The following SORCS1 variants were observed in gnomAD, a reference collection of about 807,000 sequenced individuals.
SORCS1 encodes VPS10 domain-containing receptor SorCS1.
In SORCS1, 60 loss-of-function variants were observed where a neutral mutation model predicts 146.1. That is an observed-to-expected ratio of 0.41 (90% CI 0.33 to 0.51). The LOEUF (loss-of-function observed/expected upper bound fraction) is 0.51. Ranked by LOEUF, SORCS1 falls within the 20% of genes least tolerant of loss-of-function variation. The probability of loss-of-function intolerance (pLI) is 0.21; values close to 1 mark genes in which losing one functional copy is unlikely to be tolerated. For missense variants in SORCS1, 1,352 were observed against 1,487.6 expected (o/e 0.91, Z 1.50); for synonymous variants, 637 against 584.0 (o/e 1.09, Z -1.31).
intron 16 of SORCS1, among the ~76,000 whole-genome samples, chr10:106,668,223 T>C (rs1284537118): frequency 6.6e-6 from 1 of 152,194 alleles, no homozygotes; most frequent in African/African-American, 2.4e-5. Flanking sequence ...TTACTGGTGA[T>C]GTCTTTGGGA....
intron 2 of SORCS1, among the ~76,000 whole-genome samples, chr10:106,926,718 T>A (rs1365049207): frequency 6.6e-6 from 1 of 152,080 alleles, no homozygotes; most frequent in Non-Finnish European, 1.5e-5. Flanking sequence ...GTAAAATAAT[T>A]ATTAATGGAT....
chr10:107,156,708 T>C (rs1969310459), intron 1 of SORCS1, among the ~76,000 whole-genome samples: 1 of 152,232 alleles, frequency 6.6e-6, no homozygotes, highest in Admixed American at 6.5e-5. Flanking sequence ...CTCCAAAATG[T>C]TGATTGACAC....
chr10:106,939,603 A>C (rs1414231534), intron 2 of SORCS1, among the ~76,000 whole-genome samples: 1 of 152,212 alleles, frequency 6.6e-6, no homozygotes, highest in East Asian at 1.9e-4. Flanking sequence ...ATCCTCTGCA[A>C]TCACAGATTG....
chr10:106,622,438 C>T (rs1250806027), intron 19 of SORCS1, among the ~76,000 whole-genome samples: 2 of 151,802 alleles, frequency 1.3e-5, no homozygotes, highest in African/African-American at 4.8e-5. Flanking sequence ...TCTTCATACA[C>T]AAAGACTAGC....
At chr10:106,649,474 G>C (rs1304623865) in intron 18 of SORCS1, among the ~76,000 whole-genome samples, 1 of 152,174 alleles carries the variant, frequency 6.6e-6, no homozygotes, top group East Asian at 1.9e-4. Flanking sequence ...AAAACTATTT[G>C]TGTTTTCTGC....
intron 6 of SORCS1, among the ~76,000 whole-genome samples, chr10:106,711,702 A>G (rs1386795120): frequency 6.6e-6 from 1 of 152,202 alleles, no homozygotes; most frequent in Admixed American, 6.5e-5. Flanking sequence ...ATTAAATTAG[A>G]GTCCTCTATT....
At chr10:106,896,337 G>A (rs546709759) in intron 2 of SORCS1, among the ~76,000 whole-genome samples, 2 of 150,816 alleles carry the variant, frequency 1.3e-5, no homozygotes, top group African/African-American at 2.4e-5. Context: ...GCTGAGGCAC[G>A]AGAATTGCTT....
intron 1 of SORCS1, among the ~76,000 whole-genome samples, chr10:107,012,923 T>C (rs1957748211): frequency 6.6e-6 from 1 of 152,240 alleles, no homozygotes; most frequent in Non-Finnish European, 1.5e-5. Flanking sequence ...CTAAGATGTC[T>C]GCACCTGTCT....
At chr10:107,148,147 C>T (rs1487392491) in intron 1 of SORCS1, among the ~76,000 whole-genome samples, 1 of 152,086 alleles carries the variant, frequency 6.6e-6, no homozygotes, top group Non-Finnish European at 1.5e-5. Flanking sequence ...TGCCTTTGAG[C>T]CAGGAAAACC....
chr10:106,727,325 C>A (rs1021399865), intron 6 of SORCS1, among the ~76,000 whole-genome samples: 1 of 152,090 alleles, frequency 6.6e-6, no homozygotes, highest in Non-Finnish European at 1.5e-5. Context: ...CATGTAGATG[C>A]CATGGCATGT....
At chr10:106,827,630 C>G (rs1948359116) in intron 3 of SORCS1, among the ~76,000 whole-genome samples, 2 of 152,110 alleles carry the variant, frequency 1.3e-5, no homozygotes, top group East Asian at 3.8e-4. Context: ...CAACAAACAA[C>G]TAAATTTCAT....
chr10:106,670,051 A>G (rs1318355), intron 16 of SORCS1, among the ~76,000 whole-genome samples: 150,356 of 152,362 alleles, frequency 0.99, 74,221 homozygotes, highest in East Asian at 1. Flanking sequence ...TAGTTCTTAT[A>G]CGGGTCAAGT....
At chr10:107,070,028 T>C (rs544415081) in intron 1 of SORCS1, among the ~76,000 whole-genome samples, 31 of 152,364 alleles carry the variant, frequency 2.0e-4, no homozygotes, top group Non-Finnish European at 3.7e-4. Context: ...CTGTCTGTAT[T>C]CTTTGTGGAA....
intron 1 of SORCS1, among the ~76,000 whole-genome samples, chr10:107,153,035 AT>A: frequency 6.6e-6 from 1 of 151,720 alleles, no homozygotes; most frequent in East Asian, 1.9e-4. Context: ...TGCCTTTGTC[AT>A]GAACTTATGT....
intron 1 of SORCS1, 39 bp downstream of exon 1, chr10:107,163,930 A>G (rs755708510): frequency 3.8e-6 from 6 of 1,578,350 alleles, no homozygotes; most frequent in Non-Finnish European, 5.2e-6. Flanking sequence ...AACCCTTTCC[A>G]TCTTTCCACC....
At chr10:106,631,467 A>T (rs1848435224) in intron 18 of SORCS1, among the ~76,000 whole-genome samples, 2 of 152,238 alleles carry the variant, frequency 1.3e-5, no homozygotes, top group South Asian at 4.1e-4. Context: ...CTGGGAAGCC[A>T]GCCCTAGGTG....
intron 1 of SORCS1, among the ~76,000 whole-genome samples, chr10:107,064,894 A>G (rs1007801036): frequency 6.6e-6 from 1 of 152,198 alleles, no homozygotes; most frequent in African/African-American, 2.4e-5. Context: ...TTAATAGAGG[A>G]AGAAAGTGAA....
chr10:107,034,768 G>C (rs17279251), intron 1 of SORCS1, among the ~76,000 whole-genome samples: 39,248 of 135,170 alleles, frequency 0.29, 6,133 homozygotes, highest in Admixed American at 0.4. Flanking sequence ...AAGAATGAAA[G>C]AACCATCTCT....
intron 21 of SORCS1, among the ~76,000 whole-genome samples, chr10:106,612,440 G>A (rs1435461136): frequency 2.1e-5 from 3 of 145,918 alleles, no homozygotes; most frequent in Non-Finnish European, 3.0e-5. Context: ...AGTTATATGA[G>A]GAGGCAGTGT....
Sources: allele counts gnomAD v4.1 joint callset (sites outside exome capture counted in the v4.1 genomes callset), GRCh38; gene constraint gnomAD v4.1.1; transcripts MANE v1.5; gene names NCBI Gene and HGNC (gene_info 2026-07-23, HGNC 2026-07-21).